DPP6: variants seen among roughly 807,000 people sequenced by gnomAD.
The protein encoded by DPP6 is dipeptidyl peptidase like 6.
DPP6 carries 69 observed loss-of-function variants against 122.6 expected under a neutral mutation model. That is an observed-to-expected ratio of 0.56 (90% confidence interval 0.46 to 0.69). The LOEUF is 0.69. Ranked by LOEUF, DPP6 falls within the 30% of genes least tolerant of loss-of-function variation. DPP6 has a pLI of 0.00. For missense variants in DPP6, 928 were observed against 1,116.9 expected, an observed-to-expected ratio of 0.83 and a Z score of 2.41; for synonymous variants, 418 against 433.1, an observed-to-expected ratio of 0.97 and a Z score of 0.43.
intron 2 of DPP6, among the ~76,000 whole-genome samples, chr7:154,459,381 G>C (rs1212732416): frequency 6.6e-6 from 1 of 152,186 alleles, no homozygotes; most frequent in Admixed American, 6.5e-5. Context: ...ATTTGGGAAG[G>C]TTAAATTATT....
intron 1 of DPP6, among the ~76,000 whole-genome samples, chr7:154,121,844 C>T (rs1807496609): frequency 6.6e-6 from 1 of 152,248 alleles, no homozygotes; most frequent in Middle Eastern, 3.4e-3. Flanking sequence ...TCCACAATAA[C>T]AAACAAAAAT....
At chr7:154,433,706 T>C (rs1818636751) in intron 1 of DPP6, among the ~76,000 whole-genome samples, 1 of 152,222 alleles carries the variant, frequency 6.6e-6, no homozygotes, top group Admixed American at 6.5e-5. Flanking sequence ...ATAATTATTA[T>C]TTCTTTTGTC....
intron 1 of DPP6, among the ~76,000 whole-genome samples, chr7:154,427,203 C>G (rs932904222): frequency 5.3e-5 from 8 of 152,172 alleles, no homozygotes; most frequent in African/African-American, 1.9e-4. Context: ...ATTTTTGTCT[C>G]TAATATCTTA....
At chr7:154,369,455 G>A (rs536249992) in intron 1 of DPP6, among the ~76,000 whole-genome samples, 29 of 151,094 alleles carry the variant, frequency 1.9e-4, no homozygotes, top group Admixed American at 1.6e-3. Flanking sequence ...GCAACCTTCC[G>A]CCTCCTGGGT....
At chr7:154,676,013 C>T (rs892745738) in intron 7 of DPP6, among the ~76,000 whole-genome samples, 4 of 152,230 alleles carry the variant, frequency 2.6e-5, no homozygotes, top group African/African-American at 9.6e-5. Flanking sequence ...CAATCCAGCT[C>T]TGAGAAAAAC....
chr7:154,391,196 C>G (rs917088874), intron 1 of DPP6, among the ~76,000 whole-genome samples: 5 of 152,202 alleles, frequency 3.3e-5, no homozygotes, highest in Non-Finnish European at 7.3e-5. Flanking sequence ...GGTTCTCAGT[C>G]AGAAAATACC....
chr7:154,036,833 T>A (rs1385354745), intron 1 of DPP6, among the ~76,000 whole-genome samples: 1 of 152,112 alleles, frequency 6.6e-6, no homozygotes, highest in Non-Finnish European at 1.5e-5. Context: ...CAACTCTAAC[T>A]CTGATGTCTG....
chr7:154,891,858 T>G (rs944088216), intron 25 of DPP6, among the ~76,000 whole-genome samples: 6 of 152,182 alleles, frequency 3.9e-5, no homozygotes, highest in Non-Finnish European at 7.3e-5. Context: ...AGCACTGGGA[T>G]TACAGGCATG....
intron 1 of DPP6, among the ~76,000 whole-genome samples, chr7:153,984,002 C>T (rs1416224692): frequency 6.6e-6 from 1 of 150,726 alleles, no homozygotes; most frequent in South Asian, 2.1e-4. Flanking sequence ...GCCATTTTGG[C>T]CAGGAATCCT....
intron 1 of DPP6, among the ~76,000 whole-genome samples, chr7:154,432,621 C>T (rs1292806706): frequency 6.6e-6 from 1 of 152,216 alleles, no homozygotes; most frequent in Non-Finnish European, 1.5e-5. Flanking sequence ...AACACCTGCA[C>T]TGGATTTTAT....
chr7:154,576,736 CT>C (rs1831705408), intron 5 of DPP6, among the ~76,000 whole-genome samples: 1 of 152,078 alleles, frequency 6.6e-6, no homozygotes, highest in Non-Finnish European at 1.5e-5. Context: ...GGGGAGGAGG[CT>C]GCTCACTATC....
At chr7:154,184,872 G>A (rs1798277333) in intron 1 of DPP6, among the ~76,000 whole-genome samples, 1 of 152,166 alleles carries the variant, frequency 6.6e-6, no homozygotes, top group African/African-American at 2.4e-5. Flanking sequence ...TTTACTCAGA[G>A]CAAAAGTTTT....
chr7:154,555,566 T>G (rs908046829), intron 4 of DPP6, among the ~76,000 whole-genome samples: 2 of 151,952 alleles, frequency 1.3e-5, no homozygotes, highest in Non-Finnish European at 2.9e-5. Flanking sequence ...TGTATACATA[T>G]GTAACAAACC....
chr7:154,658,440 A>G (rs1837409437), intron 6 of DPP6, among the ~76,000 whole-genome samples: 1 of 152,226 alleles, frequency 6.6e-6, no homozygotes, highest in African/African-American at 2.4e-5. Flanking sequence ...GGAACAAAAA[A>G]GGAGGTACAG....
chr7:154,165,885 C>G (rs1482686819), intron 1 of DPP6, among the ~76,000 whole-genome samples: 1 of 152,180 alleles, frequency 6.6e-6, no homozygotes, highest in Non-Finnish European at 1.5e-5. Flanking sequence ...ACTCGAACTT[C>G]TAAACATAAA....
intron 8 of DPP6, among the ~76,000 whole-genome samples, chr7:154,761,446 G>A (rs530827962): frequency 6.6e-6 from 1 of 152,376 alleles, no homozygotes; most frequent in Non-Finnish European, 1.5e-5. Flanking sequence ...CCAGGGGAAA[G>A]CCATACCACC....
intron 16 of DPP6, among the ~76,000 whole-genome samples, chr7:154,852,411 C>T (rs1802473002): frequency 6.6e-6 from 1 of 152,084 alleles, no homozygotes; most frequent in African/African-American, 2.4e-5. Context: ...ACCCACTTCC[C>T]ACTTCCTCTT....
intron 10 of DPP6, among the ~76,000 whole-genome samples, chr7:154,781,706 T>A (rs937796636): frequency 1.3e-5 from 2 of 152,086 alleles, no homozygotes; most frequent in Non-Finnish European, 2.9e-5. Context: ...AAATGTCCTC[T>A]CTCATAACAT....
At chr7:154,713,848 C>A (rs1841333077) in intron 7 of DPP6, among the ~76,000 whole-genome samples, 1 of 152,212 alleles carries the variant, frequency 6.6e-6, no homozygotes, top group South Asian at 2.1e-4. Flanking sequence ...ATGCAAATTT[C>A]TGCAGCCAAC....
Sources: gnomAD v4.1 joint callset for allele counts (sites outside exome capture counted in the v4.1 genomes callset) on GRCh38, gnomAD v4.1.1 for gene constraint, MANE v1.5 for transcripts, NCBI Gene and HGNC (gene_info 2026-07-23, HGNC 2026-07-21) for gene names.